GRIK4: variants seen among roughly 807,000 people sequenced by gnomAD.
GRIK4 encodes glutamate ionotropic receptor kainate type subunit 4.
GRIK4 carries 40 observed loss-of-function variants against 104.9 expected under a neutral mutation model. The observed-to-expected ratio is 0.38, with a 90% CI of 0.30 to 0.50. The LOEUF is 0.50. GRIK4 is among the 20% of genes least tolerant of loss of function. The pLI, the probability that GRIK4 is intolerant of heterozygous loss-of-function variation, is 0.93. For synonymous variants in GRIK4, 485 were observed against 524.9 expected (o/e 0.92, Z 1.04); for missense variants, 1,047 against 1,308.1 (o/e 0.80, Z 3.08).
intron 3 of GRIK4, among the ~76,000 whole-genome samples, chr11:120,766,270 C>T (rs1416791890): frequency 3.9e-5 from 6 of 152,228 alleles, no homozygotes; most frequent in Non-Finnish European, 4.4e-5. Context: ...AAACCTCCCA[C>T]TCAAACCTCA....
intron 19 of GRIK4, among the ~76,000 whole-genome samples, chr11:120,980,999 G>A (rs1163756501): frequency 2.8e-5 from 4 of 144,280 alleles, no homozygotes; most frequent in Admixed American, 6.9e-5. Context: ...TCATAGTGCC[G>A]TGCGAAGCTG....
At chr11:120,674,136 A>G (rs1230405853) in intron 3 of GRIK4, among the ~76,000 whole-genome samples, 1 of 152,002 alleles carries the variant, frequency 6.6e-6, no homozygotes, top group Non-Finnish European at 1.5e-5. Context: ...GGTTCCTTCC[A>G]TCTCATGGAT....
intron 3 of GRIK4, among the ~76,000 whole-genome samples, chr11:120,718,998 G>A (rs1950885900): frequency 6.6e-6 from 1 of 152,188 alleles, no homozygotes; most frequent in Admixed American, 6.5e-5. Context: ...TATAGAATCA[G>A]GCTTAAAGAA....
Position 120,891,502 on chromosome 11 carries a change from C to A in GRIK4, c.1165-7030C>A, listed in dbSNP as rs558910201. Among the ~76,000 whole-genome samples, 7 of 152,296 alleles carry A rather than the reference C, an allele frequency of 4.6e-5. No individual in the cohort carries two copies. In the South Asian group the frequency reaches 8.3e-4, roughly 18 times the overall value. On this transcript the variant is annotated intron_variant, in intron 11 of 20. Coordinates refer to ENST00000527524, the MANE Select transcript of GRIK4 (RefSeq NM_014619.5). ...TGCTAAGATTCAGGACGTTTAAAAT[C>A]TGTAAAATGAGTACAAAAATAACTC... is the stretch of plus-strand genomic sequence containing the variant.
At chr11:120,929,456 G>A (rs1943433565) in intron 13 of GRIK4, among the ~76,000 whole-genome samples, 2 of 152,292 alleles carry the variant, frequency 1.3e-5, no homozygotes, top group South Asian at 4.2e-4. Context: ...ATAGGTGCGG[G>A]TGGGAGGGAG....
At chr11:120,809,994 G>A (rs1449561147) in intron 4 of GRIK4, among the ~76,000 whole-genome samples, 2 of 152,210 alleles carry the variant, frequency 1.3e-5, no homozygotes, top group Non-Finnish European at 2.9e-5. Context: ...GAGCCCAGGG[G>A]TTCAAGTCTG....
At chr11:120,935,504 C>T (rs1032672567) in intron 13 of GRIK4, among the ~76,000 whole-genome samples, 3 of 152,072 alleles carry the variant, frequency 2.0e-5, no homozygotes, top group Non-Finnish European at 4.4e-5. Context: ...GAGCCAAGAT[C>T]GCACCACTGC....
At chr11:120,644,731 C>T (rs1456227110) in intron 1 of GRIK4, among the ~76,000 whole-genome samples, 1 of 152,174 alleles carries the variant, frequency 6.6e-6, no homozygotes, top group African/African-American at 2.4e-5. Flanking sequence ...GAAGGGGTTG[C>T]CCTTCCTTGC....
intron 3 of GRIK4, among the ~76,000 whole-genome samples, chr11:120,676,332 A>T (rs939096825): frequency 2.0e-5 from 3 of 152,170 alleles, no homozygotes; most frequent in Non-Finnish European, 4.4e-5. Flanking sequence ...CCTTACTCAC[A>T]TTTGCAAAGC....
intron 8 of GRIK4, chr11:120,858,960 T>C (rs1799749980): frequency 1.3e-5 from 2 of 152,180 alleles, no homozygotes; most frequent in Admixed American, 1.3e-4. Flanking sequence ...TCATTATAAA[T>C]AGAATGAATT....
chr11:120,531,177 A>G (rs1266995500), intron 1 of GRIK4, among the ~76,000 whole-genome samples: 3 of 152,226 alleles, frequency 2.0e-5, no homozygotes, highest in Non-Finnish European at 4.4e-5. Flanking sequence ...GGCTTAGAAA[A>G]TGTGGGTGGA....
intron 12 of GRIK4, among the ~76,000 whole-genome samples, chr11:120,901,018 C>T (rs11218052): frequency 0.097 from 14,742 of 152,156 alleles, 1,133 homozygotes; most frequent in East Asian, 0.39. Flanking sequence ...TCTATCCATC[C>T]GCAAAGCCCC....
chr11:120,897,183 A>G (rs1942604199), intron 11 of GRIK4, among the ~76,000 whole-genome samples: 1 of 151,910 alleles, frequency 6.6e-6, no homozygotes, highest in Non-Finnish European at 1.5e-5. Flanking sequence ...ATCCGTTGGG[A>G]AAAACAAGCA....
At chr11:120,682,991 C>T (rs1448208326) in intron 3 of GRIK4, among the ~76,000 whole-genome samples, 3 of 152,012 alleles carry the variant, frequency 2.0e-5, no homozygotes, top group African/African-American at 7.2e-5. Flanking sequence ...CCTGATACTG[C>T]TCCCCCTCTC....
chr11:120,613,542 A>AGTGTGCATGTGTTTGCGT (rs1233510816), intron 1 of GRIK4, among the ~76,000 whole-genome samples: 18 of 152,290 alleles, frequency 1.2e-4, no homozygotes, highest in Admixed American at 9.8e-4. Context: ...CAGCACACGG[A>AGTGTGCATGTGTTTGCGT]GTGTGCATGT....
rs369592368 is a variant in GRIK4 at position 120,795,467 on chromosome 11, C to T, written c.83-7226C>T. Among the ~76,000 whole-genome samples, 7 of 152,310 alleles carry T rather than the reference C, an allele frequency of 4.6e-5. No individual in the cohort carries two copies. In the East Asian group the frequency reaches 5.8e-4, roughly 13 times the overall value. On this transcript the variant is annotated intron_variant, in intron 3 of 20. Transcript: ENST00000527524. ...TAATGCTGACTGCACCATTGCCAGG[C>T]GCCACGTCTACTACTGGCTGTAGGG...
intron 7 of GRIK4, among the ~76,000 whole-genome samples, chr11:120,833,913 A>T (rs901842456): frequency 6.6e-6 from 1 of 152,196 alleles, no homozygotes; most frequent in African/African-American, 2.4e-5. Context: ...TTTTCTAGAA[A>T]TATTTTAATG....
intron 11 of GRIK4, chr11:120,894,873 G>C (rs1942532858): frequency 6.6e-6 from 1 of 152,018 alleles, no homozygotes; most frequent in Non-Finnish European, 1.5e-5. Flanking sequence ...AGGGCGCCTG[G>C]CTCTGAATCT....
At chr11:120,770,749 C>T (rs1322053280) in intron 3 of GRIK4, among the ~76,000 whole-genome samples, 1 of 152,078 alleles carries the variant, frequency 6.6e-6, no homozygotes, top group African/African-American at 2.4e-5. Context: ...GACTTTGGGA[C>T]ATGATTAGGT....
Sources: allele counts gnomAD v4.1 joint callset (sites outside exome capture counted in the v4.1 genomes callset), GRCh38; gene constraint gnomAD v4.1.1; transcripts MANE v1.5; gene names NCBI Gene and HGNC (gene_info 2026-07-23, HGNC 2026-07-21).